IQCM: variants seen among roughly 807,000 people sequenced by gnomAD.
IQCM encodes the protein IQ domain-containing protein M.
In IQCM, 45 loss-of-function variants were observed where a neutral mutation model predicts 57.6. The ratio of observed to expected loss-of-function variants is 0.78; its 90% CI spans 0.62 to 1.00. The LOEUF (loss-of-function observed/expected upper bound fraction) is 1.00. IQCM is among the 50% of genes least tolerant of loss of function. IQCM has a pLI of 0.00. For synonymous variants in IQCM, 148 were observed against 158.9 expected (o/e 0.93, Z 0.51); for missense variants, 468 against 511.6 (o/e 0.91, Z 0.82).
chr4:149,723,338 T>C lies in IQCM; in HGVS notation c.385+9906A>G, dbSNP rs77573734. Among the ~76,000 whole-genome samples, 372 of 152,198 alleles carry C rather than the reference T, an allele frequency of 2.4e-3. 2 individuals are homozygous for C. Among genetic ancestry groups the C allele is most frequent in the African/African-American group, 8.7e-3 (360 of 41,564 alleles). On this transcript the variant is annotated intron_variant, in intron 5 of 13. Coordinates refer to ENST00000636793, the MANE Select transcript of IQCM (RefSeq NM_001363507.2). ...CCAGTATTATGTTGAATAGAAGTAG[T>C]GTAAGCAGGTACTCCTCTCTTGTTC...
chr4:149,592,709 AG>A (rs1336372949), intron 8 of IQCM, among the ~76,000 whole-genome samples: 1 of 152,016 alleles, frequency 6.6e-6, no homozygotes, highest in African/African-American at 2.4e-5. Flanking sequence ...TTTATTAAAT[AG>A]GGAATCCTTT....
intron 7 of IQCM, among the ~76,000 whole-genome samples, chr4:149,653,247 A>G (rs1759350132): frequency 6.6e-6 from 1 of 152,146 alleles, no homozygotes; most frequent in Admixed American, 6.6e-5. Context: ...GGTGTGGCCA[A>G]TTGAAAGCCA....
chr4:149,752,077 A>G (rs942162864), intron 2 of IQCM, among the ~76,000 whole-genome samples: 1 of 152,226 alleles, frequency 6.6e-6, no homozygotes, highest in Non-Finnish European at 1.5e-5. Context: ...TGTGTACTAC[A>G]TGGGTGACTT....
At chr4:149,791,291 T>C (rs1412577251) in intron 2 of IQCM, among the ~76,000 whole-genome samples, 2 of 152,184 alleles carry the variant, frequency 1.3e-5, no homozygotes, top group Non-Finnish European at 2.9e-5. Context: ...CTTAAAAAAT[T>C]ATTATAGATG....
chr4:149,541,693 A>G (rs924577338), intron 12 of IQCM, among the ~76,000 whole-genome samples: 9 of 152,026 alleles, frequency 5.9e-5, no homozygotes, highest in African/African-American at 2.2e-4. Flanking sequence ...TCATTCTCCC[A>G]AAGTAAGATT....
At chr4:149,555,912 T>C (rs1749535426) in intron 10 of IQCM, among the ~76,000 whole-genome samples, 1 of 152,152 alleles carries the variant, frequency 6.6e-6, no homozygotes, top group Non-Finnish European at 1.5e-5. Context: ...CCTTTTCAGA[T>C]CTCAGGCATT....
intron 13 of IQCM, among the ~76,000 whole-genome samples, chr4:149,373,116 G>A (rs923177066): frequency 6.6e-6 from 1 of 152,142 alleles, no homozygotes; most frequent in African/African-American, 2.4e-5. Context: ...ACTAAATGTA[G>A]AAAGTTTTAA....
rs183463731 is a variant in IQCM at position 149,389,968 on chromosome 4, A to G, written c.1391-37902T>C. On this transcript the variant is annotated intron_variant, in intron 13 of 13. Transcript: ENST00000636793. ...TCTATTTTTGGTCCCTTGTATTTCC[A>G]TATGAACTTTAGAATCAGCTTATGA... Among the ~76,000 whole-genome samples, 316 of 152,052 alleles carry G rather than the reference A, an allele frequency of 2.1e-3. 4 individuals are homozygous for G. Among genetic ancestry groups the G allele is most frequent in the African/African-American group, 7.3e-3 (304 of 41,508 alleles).
intron 5 of IQCM, among the ~76,000 whole-genome samples, chr4:149,698,261 C>T (rs764569719): frequency 1.3e-5 from 2 of 152,022 alleles, no homozygotes; most frequent in African/African-American, 2.4e-5. Flanking sequence ...ATCATTTCCA[C>T]TTAGCAAAGT....
intron 7 of IQCM, among the ~76,000 whole-genome samples, chr4:149,644,120 C>T (rs1244506422): frequency 2.6e-5 from 4 of 152,148 alleles, no homozygotes; most frequent in East Asian, 1.9e-4. Flanking sequence ...ATTCCCAAAG[C>T]GTCTAGCAAA....
At chr4:149,476,131 A>T (rs560880406) in intron 12 of IQCM, among the ~76,000 whole-genome samples, 1 of 152,284 alleles carries the variant, frequency 6.6e-6, no homozygotes, top group African/African-American at 2.4e-5. Context: ...CTTAAGAAGG[A>T]AAGATAGGGC....
chr4:149,618,167 T>A (rs1469369924), intron 8 of IQCM, among the ~76,000 whole-genome samples: 1 of 152,076 alleles, frequency 6.6e-6, no homozygotes, highest in Non-Finnish European at 1.5e-5. Flanking sequence ...CATACATCAA[T>A]GGAAGAATAA....
rs10006413 is a variant in IQCM at position 149,594,370 on chromosome 4, G to A, written c.682-6373C>T. The stretch of plus-strand genomic sequence containing the variant: ...CTTTTCTTCTTTATTAGTCTTGCTA[G>A]CGGTCTATCAATTTTGTTGATCTTT... On this transcript the variant is annotated intron_variant, in intron 8 of 13. Coordinates refer to ENST00000636793, the MANE Select transcript of IQCM (RefSeq NM_001363507.2). 1.5e-3 allele frequency among the ~76,000 whole-genome samples: 225 copies of A among 152,084 alleles called. 1 individual carries two copies. The highest frequency in any genetic ancestry group is 5.2e-3 in the African/African-American group (215 of 41,492).
intron 13 of IQCM, among the ~76,000 whole-genome samples, chr4:149,379,911 G>A (rs1262988200): frequency 6.6e-6 from 1 of 152,132 alleles, no homozygotes; most frequent in Admixed American, 6.5e-5. Context: ...CCAAGTGGGA[G>A]ACAATTGAAT....
chr4:149,741,163 A>T (rs1339010498), intron 3 of IQCM, among the ~76,000 whole-genome samples: 1 of 152,108 alleles, frequency 6.6e-6, no homozygotes, highest in East Asian at 1.9e-4. Flanking sequence ...TCCGTAATAC[A>T]TTCTGCATTA....
intron 12 of IQCM, among the ~76,000 whole-genome samples, chr4:149,548,061 C>T (rs1748636908): frequency 6.6e-6 from 1 of 152,060 alleles, no homozygotes; most frequent in Non-Finnish European, 1.5e-5. Flanking sequence ...TTTAACTTGA[C>T]CGTGTTCTCC....
At chr4:149,519,702 T>G (rs1745408217) in intron 12 of IQCM, among the ~76,000 whole-genome samples, 2 of 150,974 alleles carry the variant, frequency 1.3e-5, no homozygotes, top group Admixed American at 6.6e-5. Flanking sequence ...TGTCATGCTT[T>G]TAAAACAGTA....
In IQCM at chr4:149,412,597, A is replaced by C. The variant is rs560525096; in HGVS notation, c.1390+20799T>G. Among the ~76,000 whole-genome samples the C allele has an allele frequency of 2.6e-5, 4 of 152,202 alleles. No individual in the cohort carries two copies. The East Asian group carries it at 5.8e-4, about 22-fold the overall frequency. On this transcript the variant is annotated intron_variant, in intron 13 of 13. Transcript: ENST00000636793. ...GTAGCAGTAACATGTGAGGTGCTGT[A>C]GATAGAAAGATTAATAAGATATGGC... is the stretch of plus-strand genomic sequence containing the variant.
chr4:149,811,720 C>T (rs1467678795), intron 2 of IQCM, among the ~76,000 whole-genome samples: 1 of 152,132 alleles, frequency 6.6e-6, no homozygotes, highest in African/African-American at 2.4e-5. Flanking sequence ...TGAACAATCC[C>T]GAGGACTAAA....
Sources: gnomAD v4.1 joint callset for allele counts (sites outside exome capture counted in the v4.1 genomes callset) on GRCh38, gnomAD v4.1.1 for gene constraint, MANE v1.5 for transcripts, NCBI Gene and HGNC (gene_info 2026-07-23, HGNC 2026-07-21) for gene names.